The following UTRN variants were observed in gnomAD, a reference collection of about 807,000 sequenced individuals.
UTRN encodes the protein dystrophin-related protein 1.
Under a neutral mutation model 463.9 loss-of-function variants are expected in UTRN, and 283 were observed. The ratio of observed to expected loss-of-function variants is 0.61; its 90% confidence interval spans 0.55 to 0.67. The LOEUF is 0.67. UTRN is among the 30% of genes least tolerant of loss of function. The probability of loss-of-function intolerance (pLI) is 0.00; values close to 1 mark genes in which losing one functional copy is unlikely to be tolerated. For missense variants in UTRN, 3,922 were observed against 4,084.3 expected, an observed-to-expected ratio of 0.96 and a Z score of 1.08; for synonymous variants, 1,442 against 1,431.5, an observed-to-expected ratio of 1.01 and a Z score of -0.17.
At chr6:144,488,917 C>T in intron 30 of UTRN, 83 bp downstream of exon 30, 1 of 1,295,154 alleles carries the variant, frequency 7.7e-7, no homozygotes, top group Non-Finnish European at 1.0e-6. Context: ...ACCCCTCCTG[C>T]TCTCCAAAAC....
chr6:144,364,117 T>C (rs1015447107), intron 2 of UTRN, among the ~76,000 whole-genome samples: 2 of 152,198 alleles, frequency 1.3e-5, no homozygotes, highest in African/African-American at 4.8e-5. Flanking sequence ...CTGGGCTCTG[T>C]TGATGAATTA....
intron 3 of UTRN, among the ~76,000 whole-genome samples, chr6:144,410,314 T>A (rs980880935): frequency 6.6e-6 from 1 of 152,224 alleles, no homozygotes; most frequent in Non-Finnish European, 1.5e-5. Context: ...TTCTACTGTA[T>A]TGCCAGTTGT....
At position 144,447,197 on chromosome 6, in the gene UTRN, G is replaced by A. The variant is rs1562412901; in HGVS notation, c.1615-14G>A. The A allele has an allele frequency of 3.1e-6, 5 of 1,604,822 alleles. No homozygotes were observed. Among genetic ancestry groups the A allele is most frequent in the Non-Finnish European group, 4.2e-6 (5 of 1,176,566 alleles). On this transcript the variant is annotated splice_polypyrimidine_tract_variant and intron_variant, in intron 14 of 74. Coordinates refer to ENST00000367545, the MANE Select transcript of UTRN (RefSeq NM_007124.3). ...ATTTTGCAGATAAAGTTCAACTTTT[G>A]TTATTACTTGTAGTGCTTGTTGAAA... is the stretch of plus-strand genomic sequence containing the variant.
intron 23 of UTRN, among the ~76,000 whole-genome samples, chr6:144,464,489 GT>G (rs1484758075): frequency 6.6e-6 from 1 of 151,598 alleles, no homozygotes; most frequent in Non-Finnish European, 1.5e-5. Flanking sequence ...GTGGCTTAGT[GT>G]TTTTGACTCA....
intron 50 of UTRN, 55 bp downstream of exon 50, chr6:144,557,366 G>T: frequency 6.5e-7 from 1 of 1,548,782 alleles, no homozygotes; most frequent in Admixed American, 1.9e-5. Flanking sequence ...GAATTTGATG[G>T]CTTTGGCTTT....
At chr6:144,697,765 A>G (rs1322212590) in intron 52 of UTRN, among the ~76,000 whole-genome samples, 1 of 152,204 alleles carries the variant, frequency 6.6e-6, no homozygotes, top group East Asian at 1.9e-4. Flanking sequence ...ATAGTTTTTC[A>G]GATTCTAAAT....
At position 144,678,439 on chromosome 6, in the gene UTRN, A is replaced by G. The variant is rs140871009; in HGVS notation, c.7513A>G (p.Ile2505Val). The change falls in exon 52 of 75, where the codon ATA becomes GTA. Residue 2505 changes from isoleucine to valine, a missense_variant. By Grantham distance (29) the Ile-to-Val change is conservative. Around this residue, in one of 3 missense-constraint regions of UTRN, gnomAD observed 1,309 missense variants for 1,452.6 expected, o/e 0.90. Transcript: ENST00000367545. ...IQAEIDAHND[I>V]FKSIDGNRQK... Reference sequence around the variant, plus strand: ...GGCAGAAATTGATGCCCACAATGACATATTTAAAAGCATTGACGGAAACAG... The same window carrying G: ...GGCAGAAATTGATGCCCACAATGACGTATTTAAAAGCATTGACGGAAACAG... 5 of 1,613,134 alleles carry G rather than the reference A, an allele frequency of 3.1e-6. No homozygotes were observed. The highest frequency in any genetic ancestry group is 4.5e-5 in the East Asian group (2 of 44,836).
Position 144,666,133 on chromosome 6 carries a change from G to A in UTRN, c.7480-12273G>A, listed in dbSNP as rs1352200463. ...CAGTGAGAGCCAGCCCTCTTTCATGGAACTTTAATTTATTGTAGCATTTGA... is the reference window on the plus strand; with the variant it reads ...CAGTGAGAGCCAGCCCTCTTTCATGAAACTTTAATTTATTGTAGCATTTGA... On this transcript the variant is annotated intron_variant, in intron 51 of 74. Coordinates refer to ENST00000367545, the MANE Select transcript of UTRN (RefSeq NM_007124.3). Among the ~76,000 whole-genome samples the A allele has an allele frequency of 3.3e-5, 5 of 152,152 alleles. No homozygotes were observed. In the East Asian group the frequency reaches 9.6e-4, roughly 29 times the overall value.
At chr6:144,309,499 G>A (rs1806053698) in intron 2 of UTRN, among the ~76,000 whole-genome samples, 1 of 152,164 alleles carries the variant, frequency 6.6e-6, no homozygotes, top group Non-Finnish European at 1.5e-5. Flanking sequence ...AGTCATCTTT[G>A]TAGTCCTTTC....
At position 144,447,800 on chromosome 6, in the gene UTRN, C is replaced by A. The variant is rs1236258737; in HGVS notation, c.1902+19C>A. 1.2e-5 allele frequency: 19 copies of A among 1,593,560 alleles called. No individual in the cohort carries two copies. The highest frequency in any genetic ancestry group is 1.6e-5 in the Non-Finnish European group (19 of 1,169,838). ...CAACCAGGTACTTTTTGATTTGGAT[C>A]ATATGTTGTGCCATGAAGTAAACAT... is the stretch of plus-strand genomic sequence containing the variant. On this transcript the variant is annotated intron_variant, in intron 16 of 74. Coordinates refer to ENST00000367545, the MANE Select transcript of UTRN (RefSeq NM_007124.3).
intron 2 of UTRN, among the ~76,000 whole-genome samples, chr6:144,309,867 G>C (rs1209562970): frequency 6.6e-6 from 1 of 152,156 alleles, no homozygotes; most frequent in Non-Finnish European, 1.5e-5. Context: ...TTACTAGTTT[G>C]TGCTCATTAT....
Position 144,423,544 on chromosome 6 carries a change from T to A in UTRN, c.235-5T>A. ...TTTTACTTGCTTTTTTGTTTTATTT[T>A]CCAGCCAAAGGAACGTGGTTCCACA... On this transcript the variant is annotated splice_polypyrimidine_tract_variant and splice_region_variant and intron_variant, in intron 4 of 74. Transcript: ENST00000367545. 6.2e-7 allele frequency: 1 copy of A among 1,614,138 alleles called. No homozygotes were observed.
chr6:144,313,259 C>T (rs1316710056), intron 2 of UTRN, among the ~76,000 whole-genome samples: 3 of 151,918 alleles, frequency 2.0e-5, no homozygotes, highest in Admixed American at 2.0e-4. Flanking sequence ...GCTGCTTAGC[C>T]ACGTGGACTC....
chr6:144,344,272 A>G, intron 2 of UTRN: 1 of 1,304,192 alleles, frequency 7.7e-7, no homozygotes, highest in Non-Finnish European at 1.0e-6. Flanking sequence ...TTGCCAGGGC[A>G]TGTAGCTCTC....
At chr6:144,634,099 C>A (rs111725916) in intron 51 of UTRN, among the ~76,000 whole-genome samples, 8,712 of 152,306 alleles carry the variant, frequency 0.057, 345 homozygotes, top group Non-Finnish European at 0.081. Context: ...CGCATAGTGT[C>A]CGAGCCGGTG....
chr6:144,406,602 A>C (rs1783437505), intron 3 of UTRN, among the ~76,000 whole-genome samples: 1 of 151,922 alleles, frequency 6.6e-6, no homozygotes, highest in Non-Finnish European at 1.5e-5. Flanking sequence ...CCTGACCTCA[A>C]GTGATCCGCC....
chr6:144,768,964 T>TTTG lies in UTRN; in HGVS notation c.8496-2941_8496-2940insGTT, dbSNP rs1793693037. Among the ~76,000 whole-genome samples, 8 of 148,136 alleles carry TTTG rather than the reference T, an allele frequency of 5.4e-5. 1 individual carries two copies. The highest frequency in any genetic ancestry group is 1.8e-4 in the African/African-American group (7 of 38,572). The stretch of plus-strand genomic sequence containing the variant: ...TTGTTTTTTGTTTTGTTTTGTTTTT[T>TTTG]TTTTTTTAATTTTATTCTTGGATAG... On this transcript the variant is annotated intron_variant, in intron 58 of 74. Coordinates refer to ENST00000367545, the MANE Select transcript of UTRN (RefSeq NM_007124.3).
chr6:144,491,510 CA>C (rs1584997411), intron 32 of UTRN, among the ~76,000 whole-genome samples: 2 of 151,906 alleles, frequency 1.3e-5, no homozygotes, highest in East Asian at 3.9e-4. Context: ...ATAAAAATTT[CA>C]ATAGAAATTT....
At chr6:144,518,668 C>T (rs1385769714) in intron 39 of UTRN, among the ~76,000 whole-genome samples, 6 of 152,154 alleles carry the variant, frequency 3.9e-5, no homozygotes, top group Non-Finnish European at 7.4e-5. Flanking sequence ...CAAGTTCAGG[C>T]AATATCTTTT....
Sources: allele counts gnomAD v4.1 joint callset (sites outside exome capture counted in the v4.1 genomes callset), GRCh38; gene constraint gnomAD v4.1.1; regional missense constraint gnomAD v4.1.1; transcripts MANE v1.5; gene names NCBI Gene and HGNC (gene_info 2026-07-23, HGNC 2026-07-21).